ANO6: variants seen among roughly 807,000 people sequenced by gnomAD.
The protein encoded by ANO6 is anoctamin 6.
In ANO6, 106 loss-of-function variants were observed where a neutral mutation model predicts 117.5. That is an observed-to-expected ratio of 0.90 (90% CI 0.77 to 1.06). The LOEUF is 1.06. ANO6 is among the 50% of genes least tolerant of loss of function. ANO6 has a pLI of 0.00. For synonymous variants in ANO6, 367 were observed against 385.1 expected (o/e 0.95, Z 0.55); for missense variants, 955 against 1,121.1 (o/e 0.85, Z 2.12).
rs71093866 is a variant in ANO6 at position 45,221,877 on chromosome 12, C to CTTTT, written c.70+5503_70+5506dup. Among the ~76,000 whole-genome samples the CTTTT allele has an allele frequency of 7.2e-5, 9 of 124,776 alleles. No individual in the cohort carries two copies. In the South Asian group the frequency reaches 7.9e-4, roughly 11 times the overall value. 81.9% of individuals were successfully genotyped at this position (124,776 alleles called of 152,430 possible). ...TCAGACCATTCTCCCTCCCCGACTC[C>CTTTT]TTTTTTTTTTTTTTTTTTTTGGGAG... On this transcript the variant is annotated intron_variant, in intron 1 of 19. Transcript: ENST00000320560.
chr12:45,245,197 A>G (rs1327069882), intron 1 of ANO6, among the ~76,000 whole-genome samples: 2 of 152,360 alleles, frequency 1.3e-5, no homozygotes, highest in East Asian at 3.9e-4. Context: ...TATGCTGATC[A>G]GCACTGGCTG....
intron 8 of ANO6, among the ~76,000 whole-genome samples, chr12:45,358,291 G>A (rs1196683941): frequency 6.6e-6 from 1 of 152,134 alleles, no homozygotes; most frequent in Non-Finnish European, 1.5e-5. Flanking sequence ...ATTACGCTTC[G>A]ATTTAACAGA....
intron 6 of ANO6, 92 bp from the exon 7 acceptor site, chr12:45,350,567 A>T: frequency 7.9e-6 from 8 of 1,013,040 alleles, no homozygotes; most frequent in Non-Finnish European, 1.2e-5. Context: ...CCTTGTTCAC[A>T]ATTGACTATC....
intron 12 of ANO6, among the ~76,000 whole-genome samples, chr12:45,399,011 T>C (rs1397812955): frequency 6.6e-6 from 1 of 152,128 alleles, no homozygotes; most frequent in African/African-American, 2.4e-5. Flanking sequence ...GCCTGAGGTA[T>C]GGCTCCAGTC....
chr12:45,297,928 G>A (rs917945349), intron 1 of ANO6, among the ~76,000 whole-genome samples: 8 of 152,070 alleles, frequency 5.3e-5, no homozygotes, highest in African/African-American at 1.9e-4. Context: ...CATTAATTAT[G>A]TCTCTGGTTT....
At chr12:45,307,335 G>A (rs1031113322) in intron 2 of ANO6, among the ~76,000 whole-genome samples, 3 of 152,134 alleles carry the variant, frequency 2.0e-5, no homozygotes, top group African/African-American at 7.2e-5. Flanking sequence ...TATGGTGATA[G>A]AGAGACATAC....
intron 1 of ANO6, among the ~76,000 whole-genome samples, chr12:45,273,617 T>A (rs1413384597): frequency 6.6e-6 from 1 of 152,222 alleles, no homozygotes; most frequent in Non-Finnish European, 1.5e-5. Flanking sequence ...TCTCACATGC[T>A]GTGAGTTAGA....
chr12:45,429,081 C>T, intron 19 of ANO6, 24 bp from the exon 20 acceptor site: 1 of 1,611,148 alleles, frequency 6.2e-7, no homozygotes. Context: ...TTGTGAGTGA[C>T]ATTTTTCTTC....
intron 1 of ANO6, among the ~76,000 whole-genome samples, chr12:45,225,487 T>C (rs959698094): frequency 6.6e-6 from 1 of 152,028 alleles, no homozygotes; most frequent in Admixed American, 6.5e-5. Flanking sequence ...TTTTGGGACA[T>C]TTTTAGATTT....
intron 17 of ANO6, among the ~76,000 whole-genome samples, chr12:45,420,796 AGACCAGGAGTTCG>A: frequency 9.4e-6 from 1 of 106,770 alleles, no homozygotes; most frequent in African/African-American, 5.2e-5. Context: ...AGATCACCTG[AGACCAGGAGTTCG>A]AGACCAGGAG....
chr12:45,325,301 A>ATCAT (rs1271743129), intron 2 of ANO6, among the ~76,000 whole-genome samples: 1 of 152,194 alleles, frequency 6.6e-6, no homozygotes, highest in East Asian at 1.9e-4. Flanking sequence ...AAACCTACAG[A>ATCAT]TCATTATTCC....
intron 7 of ANO6, among the ~76,000 whole-genome samples, chr12:45,354,441 C>T (rs182098132): frequency 6.6e-6 from 1 of 151,886 alleles, no homozygotes; most frequent in African/African-American, 2.4e-5. Flanking sequence ...AGGTGCTCCA[C>T]CAAGAAGGAA....
intron 8 of ANO6, among the ~76,000 whole-genome samples, chr12:45,366,118 T>G (rs1006041954): frequency 4.5e-5 from 6 of 133,494 alleles, no homozygotes; most frequent in Non-Finnish European, 9.8e-5. Context: ...TACTTGGGTT[T>G]TTTTTTTTTT....
rs1407371365 is a variant in ANO6, at chr12:45,347,009, C to T, written c.280-13C>T. On this transcript the variant is annotated splice_polypyrimidine_tract_variant and intron_variant, in intron 3 of 19. Coordinates refer to ENST00000320560, the MANE Select transcript of ANO6 (RefSeq NM_001025356.3). ...ACTAAAGGTCTAACATATATTCCAACTTCTTTTGACAGAGGAAAAGACAAG... is the reference window on the plus strand; with the variant it reads ...ACTAAAGGTCTAACATATATTCCAATTTCTTTTGACAGAGGAAAAGACAAG... The T allele has an allele frequency of 1.2e-6, 2 of 1,613,720 alleles. No homozygotes were observed. The highest frequency in any genetic ancestry group is 1.7e-5 in the Admixed American group (1 of 60,000).
At chr12:45,280,458 G>A (rs1938689499) in intron 1 of ANO6, among the ~76,000 whole-genome samples, 1 of 152,156 alleles carries the variant, frequency 6.6e-6, no homozygotes, top group Admixed American at 6.5e-5. Flanking sequence ...CCAATTACTA[G>A]CACAGAATCT....
At chr12:45,423,635 A>G (rs967504076) in intron 19 of ANO6, among the ~76,000 whole-genome samples, 9 of 152,158 alleles carry the variant, frequency 5.9e-5, no homozygotes, top group South Asian at 2.1e-4. Flanking sequence ...CCTCCCCACA[A>G]CCTATATGAT....
chr12:45,275,528 A>T (rs1474411789), intron 1 of ANO6, among the ~76,000 whole-genome samples: 1 of 152,130 alleles, frequency 6.6e-6, no homozygotes, highest in Admixed American at 6.5e-5. Flanking sequence ...CTTTTAAAGC[A>T]AAACTTCTAA....
intron 2 of ANO6, among the ~76,000 whole-genome samples, chr12:45,320,054 A>C (rs536205680): frequency 6.6e-6 from 1 of 151,902 alleles, no homozygotes; most frequent in Non-Finnish European, 1.5e-5. Context: ...TTTGTTGATC[A>C]TTTCAAAAAA....
chr12:45,396,408 C>G (rs1016143644), intron 12 of ANO6, among the ~76,000 whole-genome samples: 4 of 152,152 alleles, frequency 2.6e-5, no homozygotes, highest in Non-Finnish European at 4.4e-5. Flanking sequence ...GTGAAAATGG[C>G]CATACTGCCC....
Sources: gnomAD v4.1 joint callset for allele counts (sites outside exome capture counted in the v4.1 genomes callset) on GRCh38, gnomAD v4.1.1 for gene constraint, MANE v1.5 for transcripts, NCBI Gene and HGNC (gene_info 2026-07-23, HGNC 2026-07-21) for gene names.